Variants in TESC observed in about 807,000 individuals in gnomAD.
The protein encoded by TESC is tescalcin.
TESC carries 19 observed loss-of-function variants against 31.0 expected under a neutral mutation model. The observed-to-expected ratio is 0.61, with a 90% CI of 0.43 to 0.90. The LOEUF is 0.90. TESC is among the 40% of genes least tolerant of loss of function. The pLI is 0.00. For missense variants in TESC, 248 were observed against 303.8 expected (o/e 0.82, Z 1.36); for synonymous variants, 109 against 114.8 (o/e 0.95, Z 0.32).
At chr12:117,059,470 A>C (rs1954772631) in intron 2 of TESC, among the ~76,000 whole-genome samples, 1 of 152,162 alleles carries the variant, frequency 6.6e-6, no homozygotes, top group African/African-American at 2.4e-5. Flanking sequence ...AAGGAGGTAG[A>C]CTCGGGACAG....
chr12:117,069,818 A>G (rs1233021471), intron 2 of TESC, among the ~76,000 whole-genome samples: 1 of 152,248 alleles, frequency 6.6e-6, no homozygotes, highest in African/African-American at 2.4e-5. Context: ...TAAACTTCTA[A>G]GTGCAACTTA....
chr12:117,087,114 C>T (rs1020307821), intron 1 of TESC, among the ~76,000 whole-genome samples: 1 of 152,210 alleles, frequency 6.6e-6, no homozygotes, highest in African/African-American at 2.4e-5. Flanking sequence ...CTCTCCTTCA[C>T]CTGCCTTTTC....
intron 1 of TESC, among the ~76,000 whole-genome samples, chr12:117,093,898 CTCTG>C (rs1385914733): frequency 6.6e-6 from 1 of 152,040 alleles, no homozygotes; most frequent in African/African-American, 2.4e-5. Context: ...TCCCAGAATC[CTCTG>C]TCTTATTATT....
intron 1 of TESC, among the ~76,000 whole-genome samples, chr12:117,085,136 G>A (rs1373305861): frequency 6.6e-6 from 1 of 152,208 alleles, no homozygotes; most frequent in East Asian, 1.9e-4. Context: ...TGGGGGTGGG[G>A]TGGACAGGGC....
chr12:117,040,617 G>T (rs762025340), intron 7 of TESC, among the ~76,000 whole-genome samples: 7 of 147,776 alleles, frequency 4.7e-5, no homozygotes, highest in Non-Finnish European at 1.0e-4. Flanking sequence ...CGGGTCCCCA[G>T]CATAGGCCAG....
At chr12:117,090,248 T>C (rs1192743872) in intron 1 of TESC, among the ~76,000 whole-genome samples, 1 of 152,248 alleles carries the variant, frequency 6.6e-6, no homozygotes, top group African/African-American at 2.4e-5. Context: ...AGAATAATAA[T>C]GAATATGTAG....
At chr12:117,096,862 G>A (rs1277082637) in intron 1 of TESC, among the ~76,000 whole-genome samples, 6 of 152,066 alleles carry the variant, frequency 3.9e-5, no homozygotes, top group Non-Finnish European at 7.4e-5. Context: ...TGCATTCGAC[G>A]TCCCCTCGGC....
intron 4 of TESC, among the ~76,000 whole-genome samples, chr12:117,047,505 A>G (rs1204975852): frequency 1.3e-5 from 2 of 151,772 alleles, no homozygotes; most frequent in African/African-American, 4.8e-5. Context: ...GCTCTCTGCA[A>G]CCTCTGCCTC....
chr12:117,038,972 G>T lies in TESC; in HGVS notation c.*161C>A. The T allele has an allele frequency of 3.5e-6, 2 of 576,342 alleles. No individual in the cohort carries two copies. The highest frequency in any genetic ancestry group is 5.9e-6 in the Non-Finnish European group (2 of 340,790). The allele number at this position is 576,342 out of a possible 1,614,324, so 35.7% of individuals were successfully genotyped here. On this transcript the variant is annotated 3_prime_UTR_variant, in exon 8 of 8. Transcript: ENST00000335209. ...TTTTATTGGAGATAAAAACAGCGAAGTCCCACATACCATACCCTACAAGAC... is the reference window on the plus strand; with the variant it reads ...TTTTATTGGAGATAAAAACAGCGAATTCCCACATACCATACCCTACAAGAC...
rs527475970 is a variant in TESC at position 117,039,677 on chromosome 12, G to A, written c.568-467C>T. On this transcript the variant is annotated intron_variant, in intron 7 of 7. Coordinates refer to ENST00000335209, the MANE Select transcript of TESC (RefSeq NM_017899.4). Reference sequence around the variant, plus strand: ...AGGGGCTGTGCGGTCACAAGGCTTCGCTAGGCCATCGTCATCAATTTAAGG... The same window carrying A: ...AGGGGCTGTGCGGTCACAAGGCTTCACTAGGCCATCGTCATCAATTTAAGG... Among the ~76,000 whole-genome samples, 331 of 152,290 alleles carry A rather than the reference G, an allele frequency of 2.2e-3. 3 individuals carry two copies. The highest frequency in any genetic ancestry group is 7.6e-3 in the African/African-American group (316 of 41,554).
chr12:117,097,947 T>C (rs1955417523), intron 1 of TESC, among the ~76,000 whole-genome samples: 2 of 152,210 alleles, frequency 1.3e-5, no homozygotes. Flanking sequence ...GCCACACCTT[T>C]TACTTCTTTA....
chr12:117,061,648 C>A (rs1215223028), intron 2 of TESC, among the ~76,000 whole-genome samples: 1 of 151,584 alleles, frequency 6.6e-6, no homozygotes, highest in African/African-American at 2.4e-5. Flanking sequence ...CCCGCTGCCT[C>A]TGCTCTCTCT....
chr12:117,058,291 C>A (rs1954757174), intron 2 of TESC, among the ~76,000 whole-genome samples: 1 of 151,982 alleles, frequency 6.6e-6, no homozygotes, highest in Admixed American at 6.6e-5. Flanking sequence ...AAGCCAATTA[C>A]AAATGACCAC....
At chr12:117,071,082 T>G (rs1026570786) in intron 2 of TESC, among the ~76,000 whole-genome samples, 1 of 152,242 alleles carries the variant, frequency 6.6e-6, no homozygotes, top group Non-Finnish European at 1.5e-5. Flanking sequence ...AGACCCCTGC[T>G]GAATTCTTTC....
chr12:117,054,964 G>C lies in TESC; in HGVS notation c.209+1842C>G, dbSNP rs367922851. ...CCCCTAGAGTCCCAGACACCTCCAG[G>C]CTCCATCCCGGTCACCCAGGTCTTT... On this transcript the variant is annotated intron_variant, in intron 3 of 7. Coordinates refer to ENST00000335209, the MANE Select transcript of TESC (RefSeq NM_017899.4). Among the ~76,000 whole-genome samples, 587 of 152,176 alleles carry C rather than the reference G, an allele frequency of 3.9e-3. 2 individuals are homozygous for C. Among genetic ancestry groups the C allele is most frequent in the African/African-American group, 0.013 (523 of 41,512 alleles).
chr12:117,082,501 T>TA (rs780175960), intron 1 of TESC, among the ~76,000 whole-genome samples: 4,667 of 124,890 alleles, frequency 0.037, 229 homozygotes, highest in African/African-American at 0.12. Flanking sequence ...AGACTTTGTC[T>TA]AAAAAAAAAA....
chr12:117,046,351 C>T (rs1954558933), intron 6 of TESC: 2 of 587,550 alleles, frequency 3.4e-6, no homozygotes. Context: ...TCGAACTCTG[C>T]TTCCCTGCCT....
chr12:117,091,544 C>T (rs1375197910), intron 1 of TESC, among the ~76,000 whole-genome samples: 5 of 152,238 alleles, frequency 3.3e-5, no homozygotes, highest in Non-Finnish European at 2.9e-5. Context: ...TAATTACCAC[C>T]AATCTGCGGA....
chr12:117,063,184 AAGCCCCAGTCACAC>A (rs1396357185), intron 2 of TESC, among the ~76,000 whole-genome samples: 4 of 152,184 alleles, frequency 2.6e-5, no homozygotes, highest in Admixed American at 2.6e-4. Flanking sequence ...CAAAGAGACT[AAGCCCCAGTCACAC>A]AGCTAGAGTT....
Sources: gnomAD v4.1 joint callset for allele counts (sites outside exome capture counted in the v4.1 genomes callset) on GRCh38, gnomAD v4.1.1 for gene constraint, MANE v1.5 for transcripts, NCBI Gene and HGNC (gene_info 2026-07-23, HGNC 2026-07-21) for gene names.